The following BRI3 variants were observed in gnomAD, a reference collection of about 807,000 sequenced individuals.
The protein encoded by BRI3 is brain protein I3, also known as membrane protein BRI3.
A neutral mutation model predicts 12.8 loss-of-function variants in BRI3; 6 were observed. That is an observed-to-expected ratio of 0.47 (90% CI 0.26 to 0.93). The LOEUF (loss-of-function observed/expected upper bound fraction) is 0.93. Ranked by LOEUF, BRI3 falls within the 40% of genes least tolerant of loss-of-function variation. The pLI is 0.15. For missense variants in BRI3, 134 were observed against 171.1 expected (o/e 0.78, Z 1.21); for synonymous variants, 91 against 76.1 (o/e 1.20, Z -1.02).
chr7:98,313,594 G>C (rs976191205), downstream of BRI3, among the ~76,000 whole-genome samples: 4 of 152,054 alleles, frequency 2.6e-5, no homozygotes, highest in Non-Finnish European at 4.4e-5. Context: ...ACCTAATACA[G>C]CAACTATTTC....
chr7:98,291,150 C>T lies in BRI3; in HGVS notation c.285C>T (p.Ile95=), dbSNP rs766685450. The change falls in exon 3 of 3, where the codon ATC becomes ATT. Residue 95 remains isoleucine, a synonymous_variant. Coordinates refer to ENST00000297290, the MANE Select transcript of BRI3 (RefSeq NM_015379.5). ...AGGACTGCTTCACCTTCCTGGGCAT[C>T]TTCCTGGCCATCATCCTCTTCCCCT... ...VLEDCFTFLG[I]FLAIILFPFG... 3.1e-6 allele frequency: 5 copies of T among 1,614,204 alleles called. No individual in the cohort carries two copies. The South Asian group carries it at 5.5e-5, about 18-fold the overall frequency.
At chr7:98,290,028 C>T (rs984891989) in intron 2 of BRI3, among the ~76,000 whole-genome samples, 2 of 152,168 alleles carry the variant, frequency 1.3e-5, no homozygotes, top group Non-Finnish European at 2.9e-5. Flanking sequence ...ACATGGCCGA[C>T]TGTAGTCTCC....
At chr7:98,309,041 C>T (rs1800774588) in exon 2 of BRI3, 1 of 150,280 alleles carries the variant, frequency 6.7e-6, no homozygotes, top group Admixed American at 6.7e-5. Flanking sequence ...TAATTTAAAA[C>T]AATGCAAGAT....
downstream of BRI3, chr7:98,292,425 C>T (rs928641852): frequency 1.7e-5 from 10 of 572,044 alleles, no homozygotes; most frequent in Non-Finnish European, 3.1e-5. Flanking sequence ...CCCCCTGCCT[C>T]GGCCTCACAA....
chr7:98,308,039 T>A, exon 2 of BRI3: 1 of 811,386 alleles, frequency 1.2e-6, no homozygotes, highest in Non-Finnish European at 2.1e-6. Flanking sequence ...TCCTATTTCC[T>A]CGCTTTGATC....
At chr7:98,296,746 A>G (rs1250232882), downstream of BRI3, among the ~76,000 whole-genome samples, 1 of 152,048 alleles carries the variant, frequency 6.6e-6, no homozygotes, top group Non-Finnish European at 1.5e-5. Context: ...AAACCCCAGC[A>G]CTCCTTCTGG....
chr7:98,322,032 G>A, the BRI3 span, among the ~76,000 whole-genome samples: 1 of 152,288 alleles, frequency 6.6e-6, no homozygotes, highest in South Asian at 2.1e-4. Context: ...GGAGGCAGAG[G>A]ATGCAGTGAG....
chr7:98,282,025 G>A lies in BRI3; in HGVS notation c.142+88G>A, dbSNP rs892227624. On this transcript the variant is annotated intron_variant, in intron 1 of 2. Transcript: ENST00000297290. ...GTGGGTCCGGAGGCGGGTGGGGCCC[G>A]CCCGGGGGTCCTTCCTGGAGCTGGA... is the stretch of plus-strand genomic sequence containing the variant. The A allele has an allele frequency of 1.5e-4, 195 of 1,304,354 alleles. No homozygotes were observed. The African/African-American group carries it at 2.6e-3, about 17-fold the overall frequency. The allele number at this position is 1,304,354 out of a possible 1,614,324, so 80.8% of individuals were successfully genotyped here.
the BRI3 span, chr7:98,315,625 A>AAT: frequency 2.1e-3 from 2,339 of 1,131,106 alleles, 40 homozygotes; most frequent in African/African-American, 0.036. Context: ...AAAAAAAAAA[A>AAT]AATAATAATA....
downstream of BRI3, chr7:98,293,594 C>T (rs552665606): frequency 1.9e-6 from 3 of 1,613,220 alleles, no homozygotes; most frequent in Non-Finnish European, 2.5e-6. Flanking sequence ...GGGGTTTTCT[C>T]CGCTGCAGGG....
At chr7:98,302,771 A>G (rs181484749), upstream of BRI3, among the ~76,000 whole-genome samples, 5 of 152,174 alleles carry the variant, frequency 3.3e-5, no homozygotes, top group Admixed American at 3.3e-4. Flanking sequence ...ATCCAGATTC[A>G]AACAACTACA....
intron 2 of BRI3, among the ~76,000 whole-genome samples, chr7:98,288,165 G>A (rs867312053): frequency 1.3e-5 from 2 of 152,180 alleles, no homozygotes; most frequent in African/African-American, 2.4e-5. Context: ...GGATTTGACC[G>A]CAGATGCCAG....
the BRI3 span, among the ~76,000 whole-genome samples, chr7:98,322,374 C>T: frequency 6.6e-6 from 1 of 152,180 alleles, no homozygotes; most frequent in Non-Finnish European, 1.5e-5. Context: ...ACACCTCATC[C>T]TCGACATGTC....
chr7:98,314,867 G>A (rs1283950156), downstream of BRI3, among the ~76,000 whole-genome samples: 1 of 152,212 alleles, frequency 6.6e-6, no homozygotes, highest in Non-Finnish European at 1.5e-5. Flanking sequence ...AAGCTGACTC[G>A]CAGGTGAGAA....
At chr7:98,294,174 G>A, downstream of BRI3, 1 of 1,546,196 alleles carries the variant, frequency 6.5e-7, no homozygotes, top group Admixed American at 1.7e-5. Flanking sequence ...ATTATTTTAG[G>A]TAGAGATGGG....
At chr7:98,319,990 A>C in the BRI3 span, 2 of 1,306,146 alleles carry the variant, frequency 1.5e-6, no homozygotes, top group African/African-American at 3.0e-5. Context: ...AACAGTGGGA[A>C]CGAGTTCTCC....
At chr7:98,305,064 T>C (rs554819598), upstream of BRI3, among the ~76,000 whole-genome samples, 1 of 147,316 alleles carries the variant, frequency 6.8e-6, no homozygotes, top group East Asian at 2.0e-4. Context: ...TTTTTTTTTT[T>C]TTTTTTAGTA....
chr7:98,293,040 A>G (rs1352944225), downstream of BRI3: 1 of 908,690 alleles, frequency 1.1e-6, no homozygotes, highest in Non-Finnish European at 1.4e-6. Context: ...TATTTTCATA[A>G]TTTATATTGC....
chr7:98,315,602 G>A, the BRI3 span: 11 of 1,378,608 alleles, frequency 8.0e-6, no homozygotes, highest in South Asian at 1.5e-4. Context: ...AGAAGTAACG[G>A]TCTCCACATA....
Sources: allele counts gnomAD v4.1 joint callset (sites outside exome capture counted in the v4.1 genomes callset), GRCh38; gene constraint gnomAD v4.1.1; transcripts MANE v1.5; gene names NCBI Gene and HGNC (gene_info 2026-07-23, HGNC 2026-07-21).